KIF14: variants seen among roughly 807,000 people sequenced by gnomAD.
The protein encoded by KIF14 is kinesin-like protein KIF14.
A neutral mutation model predicts 176.2 loss-of-function variants in KIF14; 98 were observed. That is an observed-to-expected ratio of 0.56 (90% CI 0.47 to 0.66). The LOEUF (loss-of-function observed/expected upper bound fraction) is 0.66. Among genes scored for constraint, KIF14 ranks in the 30% least tolerant of loss-of-function variants. KIF14 has a pLI of 0.00. For missense variants in KIF14, 1,751 were observed against 1,920.4 expected, an observed-to-expected ratio of 0.91 and a Z score of 1.65; for synonymous variants, 566 against 632.2, an observed-to-expected ratio of 0.90 and a Z score of 1.57.
intron 1 of KIF14, among the ~76,000 whole-genome samples, chr1:200,619,300 C>T (rs1226578589): frequency 8.1e-6 from 1 of 123,514 alleles, no homozygotes; most frequent in Non-Finnish European, 1.7e-5. Flanking sequence ...ACCTGCTACA[C>T]GTATTTTTTT....
intron 17 of KIF14, among the ~76,000 whole-genome samples, chr1:200,589,728 T>C (rs1321339321): frequency 1.4e-5 from 2 of 138,362 alleles, no homozygotes; most frequent in South Asian, 2.5e-4. Flanking sequence ...CAAGGTTCAC[T>C]GCAGCCTTGA....
intron 18 of KIF14, among the ~76,000 whole-genome samples, 177 bp from the exon 19 acceptor site, chr1:200,586,404 AAC>A (rs201722689): frequency 0.011 from 1,726 of 152,274 alleles, 27 homozygotes; most frequent in African/African-American, 0.038. Flanking sequence ...ATTTTAAAAA[AAC>A]AGATTGATAA....
chr1:200,595,607 T>C (rs1659290054), intron 14 of KIF14, among the ~76,000 whole-genome samples: 1 of 152,046 alleles, frequency 6.6e-6, no homozygotes, highest in African/African-American at 2.4e-5. Flanking sequence ...AATTAATTAA[T>C]AAAAGAGCAA....
Position 200,554,451 on chromosome 1 carries a change from C to T in KIF14, c.4567+17G>A. The T allele has an allele frequency of 6.8e-7, 1 of 1,468,510 alleles. No individual in the cohort carries two copies. The highest frequency in any genetic ancestry group is 9.4e-7 in the Non-Finnish European group (1 of 1,068,278). 91.0% of individuals were successfully genotyped at this position (1,468,510 alleles called of 1,614,324 possible). ...AATATAAAATTCTGATTATAAACTC[C>T]ATTTGGAGAATCATACCTTTCAGTG... On this transcript the variant is annotated intron_variant, in intron 29 of 29. Coordinates refer to ENST00000367350, the MANE Select transcript of KIF14 (RefSeq NM_014875.3).
intron 26 of KIF14, among the ~76,000 whole-genome samples, chr1:200,559,822 T>C (rs1269195083): frequency 6.6e-6 from 1 of 152,032 alleles, no homozygotes; most frequent in Non-Finnish European, 1.5e-5. Context: ...TAGCACGATC[T>C]TGGCTCACTG....
chr1:200,596,839 T>G (rs2102711350), intron 14 of KIF14, among the ~76,000 whole-genome samples: 1 of 150,706 alleles, frequency 6.6e-6, no homozygotes, highest in Non-Finnish European at 1.5e-5. Flanking sequence ...GTTAGGATTA[T>G]AGGCGTGAGC....
intron 25 of KIF14, among the ~76,000 whole-genome samples, chr1:200,564,146 T>C (rs1195454044): frequency 2.7e-5 from 4 of 149,984 alleles, no homozygotes; most frequent in Non-Finnish European, 5.9e-5. Flanking sequence ...CCTGTAATCC[T>C]AGCTACTCGA....
intron 18 of KIF14, among the ~76,000 whole-genome samples, chr1:200,587,234 T>TACAA (rs1358740736): frequency 1.3e-5 from 2 of 152,050 alleles, no homozygotes; most frequent in Non-Finnish European, 2.9e-5. Context: ...ACCTATTGGG[T>TACAA]ACAATGTAAG....
chr1:200,586,834 C>A (rs1233075619), intron 18 of KIF14, among the ~76,000 whole-genome samples: 2 of 140,996 alleles, frequency 1.4e-5, no homozygotes, highest in South Asian at 2.2e-4. Context: ...GAAATACTAC[C>A]CAGCAATAAA....
intron 12 of KIF14, 98 bp downstream of exon 12, chr1:200,600,258 G>A: frequency 1.5e-6 from 2 of 1,338,252 alleles, no homozygotes; most frequent in Non-Finnish European, 1.1e-6. Context: ...TATTCATAAG[G>A]AAGGTCGGAA....
chr1:200,575,903 AAAC>A (rs1165569413), intron 21 of KIF14, among the ~76,000 whole-genome samples: 2 of 152,206 alleles, frequency 1.3e-5, no homozygotes, highest in Admixed American at 6.6e-5. Flanking sequence ...CTTTTAATAA[AAAC>A]AATAGAAATC....
At chr1:200,565,982 T>C (rs1486282488) in intron 23 of KIF14, among the ~76,000 whole-genome samples, 1 of 152,166 alleles carries the variant, frequency 6.6e-6, no homozygotes, top group Admixed American at 6.5e-5. Context: ...CTATTGCTCT[T>C]CCAAAAATGT....
At chr1:200,575,757 A>C in intron 21 of KIF14, 66 bp from the exon 22 acceptor site, 1 of 818,924 alleles carries the variant, frequency 1.2e-6, no homozygotes, top group Non-Finnish European at 1.9e-6. Flanking sequence ...AACTAAGAAA[A>C]AAAAGATTAA....
Position 200,618,833 on chromosome 1 carries a change from G to T in KIF14, c.-110C>A. ...TATGTATCCATTTCTGAAAGTATCTGCTAAACTAAAAGAAAAAAAAAAGAT... is the reference window on the plus strand; with the variant it reads ...TATGTATCCATTTCTGAAAGTATCTTCTAAACTAAAAGAAAAAAAAAAGAT... On this transcript the variant is annotated 5_prime_UTR_variant, in exon 2 of 30. Coordinates refer to ENST00000367350, the MANE Select transcript of KIF14 (RefSeq NM_014875.3). 3.4e-6 allele frequency: 3 copies of T among 873,260 alleles called. No individual in the cohort carries two copies. The highest frequency in any genetic ancestry group is 5.2e-6 in the Non-Finnish European group (3 of 581,694). The allele number at this position is 873,260 out of a possible 1,614,324, so 54.1% of individuals were successfully genotyped here.
At chr1:200,588,248 G>T (rs868247939) in intron 18 of KIF14, among the ~76,000 whole-genome samples, 149 of 139,556 alleles carry the variant, frequency 1.1e-3, no homozygotes, top group Non-Finnish European at 1.3e-3. Context: ...TGTTTGTTTT[G>T]TTTTTTTTTT....
intron 29 of KIF14, 137 bp from the exon 30 acceptor site, chr1:200,553,904 A>C: frequency 1.2e-6 from 1 of 815,990 alleles, no homozygotes; most frequent in Non-Finnish European, 1.9e-6. Flanking sequence ...AAGATTAGTC[A>C]ACTAAAGTGT....
At position 200,618,274 on chromosome 1, in the gene KIF14, T is replaced by A. The variant is rs1660511507; in HGVS notation, c.450A>T (p.Glu150Asp). Reference sequence around the variant, plus strand: ...CCTTAGAAACACCATTATTTTCTGTTTCACCTCCCACATTCAGTGTCATTT... The same window carrying A: ...CCTTAGAAACACCATTATTTTCTGTATCACCTCCCACATTCAGTGTCATTT... ...SVKMTLNVGG[E>D]TENNGVSKES... The change falls in exon 2 of 30, where the codon GAA becomes GAT. Residue 150 changes from glutamate (E) to aspartate (D), a missense_variant. Transcript: ENST00000367350. 4 of 1,613,740 alleles carry A rather than the reference T, an allele frequency of 2.5e-6. No individual in the cohort carries two copies. Among genetic ancestry groups the A allele is most frequent in the Non-Finnish European group, 3.4e-6 (4 of 1,180,020 alleles).
chr1:200,565,485 G>A lies in KIF14; in HGVS notation c.3846C>T (p.Ser1282=). 1.2e-6 allele frequency: 2 copies of A among 1,606,504 alleles called. No individual in the cohort carries two copies. The highest frequency in any genetic ancestry group is 1.7e-6 in the Non-Finnish European group (2 of 1,178,028). ...CTTCATCTTGTTCTTCATGAGCCTT[G>A]GAAATGGCAAATAGCCCATTATAAA... ...LKIYNGLFAI[S]KAHEEQDEES... is the part of the protein sequence containing the mutation. Residue 1282 remains serine (S), a synonymous_variant, in exon 24 of 30, where the codon TCC becomes TCT. Coordinates refer to ENST00000367350, the MANE Select transcript of KIF14 (RefSeq NM_014875.3).
rs1421880628 is a variant in KIF14 at position 200,615,612 on chromosome 1, T to C, written c.1113-3A>G. ...GGGATGCTTTTTCAATCTTCTCTCT[T>C]GAAAGAAGCACAAAGAAAAAAATCA... On this transcript the variant is annotated splice_region_variant and splice_polypyrimidine_tract_variant and intron_variant, in intron 2 of 29. Transcript: ENST00000367350. The C allele has an allele frequency of 6.2e-7, 1 of 1,600,028 alleles. No individual in the cohort carries two copies. Among genetic ancestry groups the C allele is most frequent in the Non-Finnish European group, 8.5e-7 (1 of 1,174,426 alleles).
Sources: allele counts gnomAD v4.1 joint callset (sites outside exome capture counted in the v4.1 genomes callset), GRCh38; gene constraint gnomAD v4.1.1; transcripts MANE v1.5; gene names NCBI Gene and HGNC (gene_info 2026-07-23, HGNC 2026-07-21).